MDGA2: variants seen among roughly 807,000 people sequenced by gnomAD.
The protein encoded by MDGA2 is MAM domain containing glycosylphosphatidylinositol anchor 2.
A neutral mutation model predicts 117.8 loss-of-function variants in MDGA2; 40 were observed. The ratio of observed to expected loss-of-function variants is 0.34; its 90% CI spans 0.26 to 0.44. The LOEUF (loss-of-function observed/expected upper bound fraction) is 0.44, where lower values mean the gene tolerates loss of function less well. Ranked by LOEUF, MDGA2 falls within the 20% of genes least tolerant of loss-of-function variation. The pLI is 1.00. For missense variants in MDGA2, 1,123 were observed against 1,250.6 expected (o/e 0.90, Z 1.54); for synonymous variants, 452 against 439.0 (o/e 1.03, Z -0.37).
chr14:47,036,362 A>AT (rs1888857120), intron 7 of MDGA2, among the ~76,000 whole-genome samples: 1 of 151,416 alleles, frequency 6.6e-6, no homozygotes, highest in Admixed American at 6.6e-5. Flanking sequence ...AGTTAGATTG[A>AT]TTTTACTGTA....
At chr14:47,352,505 G>A (rs887458735) in intron 1 of MDGA2, among the ~76,000 whole-genome samples, 2 of 152,152 alleles carry the variant, frequency 1.3e-5, no homozygotes, top group Non-Finnish European at 2.9e-5. Context: ...TGATTAAAAA[G>A]CTTTATTGCT....
chr14:47,405,322 T>C (rs929299727), intron 1 of MDGA2, among the ~76,000 whole-genome samples: 1 of 152,220 alleles, frequency 6.6e-6, no homozygotes, highest in African/African-American at 2.4e-5. Context: ...CTGATGAATA[T>C]AAACTCTGAT....
intron 16 of MDGA2, among the ~76,000 whole-genome samples, chr14:46,844,419 A>G (rs1397103304): frequency 6.6e-6 from 1 of 152,050 alleles, no homozygotes; most frequent in Non-Finnish European, 1.5e-5. Context: ...GTCTCTACTA[A>G]AAATACAAAA....
chr14:47,262,996 A>G (rs1257837586), intron 2 of MDGA2, among the ~76,000 whole-genome samples: 1 of 152,086 alleles, frequency 6.6e-6, no homozygotes, highest in Admixed American at 6.6e-5. Flanking sequence ...AGCATGAGTC[A>G]GCCTCCCAAG....
At chr14:47,137,081 C>T (rs1261288639) in intron 4 of MDGA2, among the ~76,000 whole-genome samples, 1 of 152,046 alleles carries the variant, frequency 6.6e-6, no homozygotes, top group Non-Finnish European at 1.5e-5. Context: ...TTTTGTATAC[C>T]TGAATTTTTT....
At chr14:47,631,565 A>C (rs1897249094) in intron 1 of MDGA2, among the ~76,000 whole-genome samples, 1 of 152,124 alleles carries the variant, frequency 6.6e-6, no homozygotes, top group African/African-American at 2.4e-5. Context: ...CCACTCATAC[A>C]TTACCCTGTT....
chr14:47,625,086 A>G (rs942208932), intron 1 of MDGA2, among the ~76,000 whole-genome samples: 7 of 152,160 alleles, frequency 4.6e-5, no homozygotes, highest in Non-Finnish European at 8.8e-5. Flanking sequence ...TAAAAATTAA[A>G]CAGTTTGCCC....
chr14:46,962,193 AT>A (rs1346818262), intron 8 of MDGA2, among the ~76,000 whole-genome samples: 61 of 152,212 alleles, frequency 4.0e-4, no homozygotes, highest in Admixed American at 7.9e-4. Flanking sequence ...CTTGAGGCTG[AT>A]TTGAATTATC....
intron 1 of MDGA2, among the ~76,000 whole-genome samples, chr14:47,668,388 C>T (rs1488619793): frequency 2.0e-5 from 3 of 151,956 alleles, no homozygotes; most frequent in East Asian, 3.9e-4. Context: ...ACAACTGGAC[C>T]CTGGAGAAAA....
chr14:47,575,363 T>C (rs1896097024), intron 1 of MDGA2, among the ~76,000 whole-genome samples: 1 of 152,170 alleles, frequency 6.6e-6, no homozygotes, highest in African/African-American at 2.4e-5. Flanking sequence ...CTGGTCCCAT[T>C]ATCTAAATAT....
chr14:47,004,895 A>G (rs1033338853), intron 8 of MDGA2, among the ~76,000 whole-genome samples: 21 of 151,716 alleles, frequency 1.4e-4, no homozygotes, highest in African/African-American at 4.8e-4. Context: ...TTCTTTGGTC[A>G]TATATAGAAG....
At chr14:46,920,208 G>A (rs745436294) in intron 9 of MDGA2, 48 bp from the exon 10 acceptor site, 2 of 1,554,484 alleles carry the variant, frequency 1.3e-6, no homozygotes, top group Non-Finnish European at 1.7e-6. Flanking sequence ...ATATTGTAGT[G>A]TAAGCATACT....
chr14:47,428,844 C>T (rs1892742916), intron 1 of MDGA2, among the ~76,000 whole-genome samples: 1 of 151,922 alleles, frequency 6.6e-6, no homozygotes, highest in Non-Finnish European at 1.5e-5. Flanking sequence ...ATACAAAATT[C>T]TTCACCTTAA....
chr14:47,230,892 C>A (rs2139569596), intron 2 of MDGA2, among the ~76,000 whole-genome samples: 1 of 152,034 alleles, frequency 6.6e-6, no homozygotes, highest in Non-Finnish European at 1.5e-5. Context: ...GTACACTATT[C>A]CTACACACAT....
At chr14:47,645,937 G>A (rs1339126496) in intron 1 of MDGA2, among the ~76,000 whole-genome samples, 2 of 151,738 alleles carry the variant, frequency 1.3e-5, no homozygotes, top group East Asian at 2.0e-4. Context: ...AAAATTAGCC[G>A]GGCGTGGTGG....
chr14:46,880,544 C>T (rs1882403948), intron 11 of MDGA2, among the ~76,000 whole-genome samples: 1 of 151,542 alleles, frequency 6.6e-6, no homozygotes, highest in African/African-American at 2.4e-5. Flanking sequence ...TGGCTCATGC[C>T]TGTAATCTAG....
chr14:47,529,053 C>T (rs546013556), intron 1 of MDGA2, among the ~76,000 whole-genome samples: 1 of 150,930 alleles, frequency 6.6e-6, no homozygotes, highest in East Asian at 2.0e-4. Context: ...GGCTGGAGTG[C>T]AGTGGCACGA....
intron 2 of MDGA2, among the ~76,000 whole-genome samples, chr14:47,279,453 CAT>C (rs904270206): frequency 6.6e-6 from 1 of 152,062 alleles, no homozygotes; most frequent in African/African-American, 2.4e-5. Flanking sequence ...TTGTTGAAAA[CAT>C]TATCTCTTTT....
intron 6 of MDGA2, among the ~76,000 whole-genome samples, chr14:47,089,740 C>T (rs564762403): frequency 3.3e-5 from 5 of 152,100 alleles, no homozygotes; most frequent in African/African-American, 1.2e-4. Flanking sequence ...TTTGTAGGGA[C>T]ATGGAGGAAG....
Sources: allele counts gnomAD v4.1 joint callset (sites outside exome capture counted in the v4.1 genomes callset), GRCh38; gene constraint gnomAD v4.1.1; transcripts MANE v1.5; gene names NCBI Gene and HGNC (gene_info 2026-07-23, HGNC 2026-07-21).